Variants in AGXT2 observed in about 807,000 individuals in gnomAD.
The protein encoded by AGXT2 is alanine--glyoxylate aminotransferase 2, mitochondrial.
In AGXT2, 61 loss-of-function variants were observed where a neutral mutation model predicts 62.5. That is an observed-to-expected ratio of 0.98 (90% CI 0.79 to 1.21). The LOEUF is 1.21. Among genes scored for constraint, AGXT2 ranks in the 50% most tolerant of loss-of-function variants. The pLI, the probability that AGXT2 is intolerant of heterozygous loss-of-function variation, is 0.00. For synonymous variants in AGXT2, 243 were observed against 218.7 expected (o/e 1.11, Z -0.98); for missense variants, 666 against 641.5 (o/e 1.04, Z -0.41).
At chr5:35,011,972 C>T (rs1437411725) in intron 11 of AGXT2, among the ~76,000 whole-genome samples, 4 of 151,402 alleles carry the variant, frequency 2.6e-5, no homozygotes, top group African/African-American at 4.9e-5. Context: ...TGGAATACCA[C>T]TCAGCCATAA....
Position 35,041,135 on chromosome 5 carries a change from G to A in AGXT2, c.89-472C>T, listed in dbSNP as rs183220241. The stretch of plus-strand genomic sequence containing the variant: ...GCATTAATGACTGTTGACTATTCTT[G>A]TAGGGAATGAGGAGAGGCAGGTGTT... On this transcript the variant is annotated intron_variant, in intron 1 of 13. Transcript: ENST00000231420. 1.1e-3 allele frequency among the ~76,000 whole-genome samples: 160 copies of A among 144,904 alleles called. 1 individual carries two copies. Among genetic ancestry groups the A allele is most frequent in the African/African-American group, 4.0e-3 (156 of 39,450 alleles).
At chr5:35,024,190 A>G (rs1767235296) in intron 9 of AGXT2, among the ~76,000 whole-genome samples, 1 of 151,882 alleles carries the variant, frequency 6.6e-6, no homozygotes, top group Admixed American at 6.6e-5. Flanking sequence ...ACTGCGCCCA[A>G]CCTAGCTGTA....
At chr5:35,024,723 C>T (rs961138645) in intron 9 of AGXT2, among the ~76,000 whole-genome samples, 3 of 152,188 alleles carry the variant, frequency 2.0e-5, no homozygotes, top group Non-Finnish European at 4.4e-5. Context: ...AAACCCAGCA[C>T]TTTGGGACGC....
intron 9 of AGXT2, among the ~76,000 whole-genome samples, chr5:35,024,841 A>T (rs1316357656): frequency 6.6e-6 from 1 of 152,046 alleles, no homozygotes; most frequent in Non-Finnish European, 1.5e-5. Flanking sequence ...GTGGTGGCGG[A>T]TGCCTGTAAT....
At chr5:35,044,963 G>C (rs1290150931) in intron 1 of AGXT2, among the ~76,000 whole-genome samples, 1 of 152,172 alleles carries the variant, frequency 6.6e-6, no homozygotes, top group African/African-American at 2.4e-5. Context: ...GCTGGAAATA[G>C]ATGACTTTTT....
intron 10 of AGXT2, among the ~76,000 whole-genome samples, 198 bp from the exon 11 acceptor site, chr5:35,013,243 A>G (rs940297488): frequency 6.6e-6 from 1 of 152,194 alleles, no homozygotes; most frequent in Non-Finnish European, 1.5e-5. Context: ...AACCCTGAAT[A>G]AGACTGTATT....
At chr5:35,043,207 T>G (rs975954718) in intron 1 of AGXT2, among the ~76,000 whole-genome samples, 2 of 152,204 alleles carry the variant, frequency 1.3e-5, no homozygotes, top group Non-Finnish European at 2.9e-5. Flanking sequence ...TTGGAAACTC[T>G]AGGGAAAATT....
Position 35,040,630 on chromosome 5 carries a change from C to T in AGXT2, c.122G>A (p.Ser41Asn), listed in dbSNP as rs751566181. 1.9e-6 allele frequency: 3 copies of T among 1,613,958 alleles called. No individual in the cohort carries two copies. In the East Asian group the frequency reaches 6.7e-5, roughly 36 times the overall value. The change falls in exon 2 of 14, where the codon AGT becomes AAT. Residue 41 changes from serine (S) to asparagine (N), a missense_variant. Coordinates refer to ENST00000231420, the MANE Select transcript of AGXT2 (RefSeq NM_031900.4). Reference protein sequence around the residue: ...GTSRTSVTKLSLHTKPRMPPC... With the variant: ...GTSRTSVTKLNLHTKPRMPPC... The stretch of plus-strand genomic sequence containing the variant: ...AGGCATTCTGGGCTTTGTATGAAGA[C>T]TGAGCTTGGTTACTGATGTCCGGGA...
chr5:35,043,199 G>A (rs1042709166), intron 1 of AGXT2, among the ~76,000 whole-genome samples: 1 of 152,032 alleles, frequency 6.6e-6, no homozygotes, highest in Non-Finnish European at 1.5e-5. Context: ...TTTGGCATTT[G>A]GAAACTCTAG....
intron 13 of AGXT2, among the ~76,000 whole-genome samples, chr5:35,001,990 A>T (rs1347187285): frequency 6.6e-6 from 1 of 152,120 alleles, no homozygotes; most frequent in Non-Finnish European, 1.5e-5. Flanking sequence ...CAATTAAAAA[A>T]AATCACAAAA....
In AGXT2 at chr5:35,003,877, T is replaced by A. The variant is rs562151695; in HGVS notation, c.1339-16A>T. 2.3e-4 allele frequency: 363 copies of A among 1,609,852 alleles called. 8 individuals are homozygous for A. In the South Asian group the frequency reaches 3.6e-3, roughly 16 times the overall value. ...GACAGCTTATCTGTAAATATATTTTTAAAATTCTTTCTATTTGGTGTTGGA... is the reference window on the plus strand; with the variant it reads ...GACAGCTTATCTGTAAATATATTTTAAAAATTCTTTCTATTTGGTGTTGGA... On this transcript the variant is annotated splice_polypyrimidine_tract_variant and intron_variant, in intron 12 of 13. Transcript: ENST00000231420.
intron 11 of AGXT2, among the ~76,000 whole-genome samples, chr5:35,010,869 T>G (rs1015902558): frequency 6.6e-6 from 1 of 152,110 alleles, no homozygotes; most frequent in Non-Finnish European, 1.5e-5. Flanking sequence ...TGGAAGATGG[T>G]GACCTTTGCT....
At chr5:35,025,649 T>A in intron 9 of AGXT2, 114 bp downstream of exon 9, 1 of 1,078,734 alleles carries the variant, frequency 9.3e-7, no homozygotes, top group South Asian at 1.3e-5. Context: ...AGGCAAACTT[T>A]GGAATTCACA....
At chr5:35,008,488 G>A (rs1766512552) in intron 12 of AGXT2, among the ~76,000 whole-genome samples, 1 of 152,198 alleles carries the variant, frequency 6.6e-6, no homozygotes, top group Admixed American at 6.5e-5. Flanking sequence ...AGATTAGGAT[G>A]AACTCTTCTG....
intron 9 of AGXT2, among the ~76,000 whole-genome samples, chr5:35,019,772 A>G (rs2112221729): frequency 6.6e-6 from 1 of 152,330 alleles, no homozygotes; most frequent in Admixed American, 6.5e-5. Flanking sequence ...CAAAAAATTA[A>G]TGAATCCAGG....
chr5:35,010,548 T>G (rs4703491), intron 11 of AGXT2, among the ~76,000 whole-genome samples: 96,536 of 151,516 alleles, frequency 0.64, 31,085 homozygotes, highest in African/African-American at 0.72. Flanking sequence ...AGCAGGGCTC[T>G]GTGGGGGGCG....
intron 9 of AGXT2, among the ~76,000 whole-genome samples, chr5:35,019,628 A>T (rs2112221234): frequency 6.6e-6 from 1 of 152,318 alleles, no homozygotes; most frequent in South Asian, 2.1e-4. Context: ...AGCAGGAAAG[A>T]TCCAAAATTG....
chr5:35,040,554 T>G (rs751415353), intron 2 of AGXT2, 21 bp downstream of exon 2: 8 of 1,606,656 alleles, frequency 5.0e-6, no homozygotes, highest in South Asian at 3.3e-5. Context: ...CTTTGAGTTT[T>G]CTTAAAGCCC....
chr5:34,999,459 CT>C (rs1183200900), intron 13 of AGXT2, among the ~76,000 whole-genome samples: 1 of 152,150 alleles, frequency 6.6e-6, no homozygotes, highest in Non-Finnish European at 1.5e-5. Flanking sequence ...CCTTTTTCTG[CT>C]GCACCCACAC....
Sources: gnomAD v4.1 joint callset for allele counts (sites outside exome capture counted in the v4.1 genomes callset) on GRCh38, gnomAD v4.1.1 for gene constraint, MANE v1.5 for transcripts, NCBI Gene and HGNC (gene_info 2026-07-23, HGNC 2026-07-21) for gene names.